The following RBM47 variants were observed in gnomAD, a reference collection of about 807,000 sequenced individuals.
RBM47 encodes RNA binding motif protein 47.
Under a neutral mutation model 47.1 loss-of-function variants are expected in RBM47, and 21 were observed. The observed-to-expected ratio is 0.45, with a 90% CI of 0.32 to 0.64. RBM47 has a LOEUF of 0.64. RBM47 is among the 30% of genes least tolerant of loss of function. The pLI is 0.05. For missense variants in RBM47, 708 were observed against 870.9 expected (o/e 0.81, Z 2.35); for synonymous variants, 375 against 361.7 (o/e 1.04, Z -0.42).
intron 2 of RBM47, among the ~76,000 whole-genome samples, chr4:40,474,683 T>C (rs938979486): frequency 2.6e-5 from 4 of 152,184 alleles, no homozygotes; most frequent in Non-Finnish European, 5.9e-5. Flanking sequence ...AATAAACATA[T>C]TACCTAATCT....
At chr4:40,577,221 T>C (rs1189086268) in intron 1 of RBM47, among the ~76,000 whole-genome samples, 1 of 152,134 alleles carries the variant, frequency 6.6e-6, no homozygotes, top group Non-Finnish European at 1.5e-5. Flanking sequence ...AAGAGATGGA[T>C]TGGGACCAGT....
intron 2 of RBM47, among the ~76,000 whole-genome samples, chr4:40,499,741 C>T (rs1723096419): frequency 6.6e-6 from 1 of 152,182 alleles, no homozygotes; most frequent in Non-Finnish European, 1.5e-5. Context: ...AGTTCTATGA[C>T]TCCTTGGAAT....
At chr4:40,600,707 G>A (rs1578047594) in intron 1 of RBM47, among the ~76,000 whole-genome samples, 1 of 148,604 alleles carries the variant, frequency 6.7e-6, no homozygotes, top group South Asian at 2.1e-4. Context: ...AAGGCCGGAC[G>A]CAGTGGCTCA....
intron 1 of RBM47, among the ~76,000 whole-genome samples, chr4:40,609,648 T>C (rs1736077201): frequency 6.6e-6 from 1 of 152,082 alleles, no homozygotes; most frequent in African/African-American, 2.4e-5. Flanking sequence ...TCCATTTTTC[T>C]CTGCTTTCTA....
chr4:40,628,165 A>G lies in RBM47; in HGVS notation c.-240+1231T>C, dbSNP rs189685851. Among the ~76,000 whole-genome samples the G allele has an allele frequency of 6.6e-5, 10 of 152,350 alleles. No individual in the cohort carries two copies. The highest frequency in any genetic ancestry group is 2.6e-4 in the Admixed American group (4 of 15,306). ...CCAGCATGCAATAATTAAGTCAAAG[A>G]GGCCAACAGTGTGTATATCAGAACA... On this transcript the variant is annotated intron_variant, in intron 1 of 6. Transcript: ENST00000295971. The surrounding 1 kb of genome is among the most constrained non-coding windows in gnomAD (Gnocchi z 4.0).
intron 6 of RBM47, among the ~76,000 whole-genome samples, chr4:40,432,203 TACACACACAC>T (rs61008905): frequency 0.062 from 9,221 of 147,752 alleles, 607 homozygotes; most frequent in African/African-American, 0.16. Context: ...TCTCTCTCTT[TACACACACAC>T]ACACACACAC....
At chr4:40,527,310 G>A (rs1577886519) in intron 2 of RBM47, among the ~76,000 whole-genome samples, 2 of 148,820 alleles carry the variant, frequency 1.3e-5, no homozygotes, top group Non-Finnish European at 3.0e-5. Flanking sequence ...TTTTTAAGAC[G>A]GAATCTAGCT....
chr4:40,432,203 TACACACACACACACACACAC>T (rs61008905), intron 6 of RBM47, among the ~76,000 whole-genome samples: 1 of 147,722 alleles, frequency 6.8e-6, no homozygotes, highest in Admixed American at 6.7e-5. Context: ...TCTCTCTCTT[TACACACACACACACACACAC>T]ACACACACAC....
intron 2 of RBM47, among the ~76,000 whole-genome samples, chr4:40,524,061 C>T (rs1008435557): frequency 2.0e-5 from 3 of 152,064 alleles, no homozygotes; most frequent in African/African-American, 7.2e-5. Context: ...CAATTGAGTG[C>T]CCTGTATCTT....
At chr4:40,519,042 A>G (rs1336830256) in intron 2 of RBM47, among the ~76,000 whole-genome samples, 2 of 146,922 alleles carry the variant, frequency 1.4e-5, no homozygotes, top group Admixed American at 6.8e-5. Flanking sequence ...AAAAAAAAAA[A>G]TATAAAAAAT....
At chr4:40,586,481 T>C (rs1472491638) in intron 1 of RBM47, among the ~76,000 whole-genome samples, 1 of 151,322 alleles carries the variant, frequency 6.6e-6, no homozygotes, top group East Asian at 1.9e-4. Context: ...AAGGGGTTAA[T>C]GGCAAGGGCT....
chr4:40,592,976 TATA>T (rs1283417646), intron 1 of RBM47, among the ~76,000 whole-genome samples: 426 of 14,690 alleles, frequency 0.029, 1 homozygote, highest in Admixed American at 0.037. Context: ...TATATATATA[TATA>T]TTTTTTTTTT....
intron 2 of RBM47, among the ~76,000 whole-genome samples, chr4:40,518,896 G>C (rs559636864): frequency 6.6e-6 from 1 of 152,062 alleles, no homozygotes; most frequent in Non-Finnish European, 1.5e-5. Flanking sequence ...GACAAGCCTG[G>C]TCTAAATCAA....
intron 2 of RBM47, among the ~76,000 whole-genome samples, chr4:40,498,919 C>T (rs1160947024): frequency 6.6e-6 from 1 of 151,922 alleles, no homozygotes; most frequent in Non-Finnish European, 1.5e-5. Context: ...GTGGCACATG[C>T]CTGTAATCCC....
intron 1 of RBM47, among the ~76,000 whole-genome samples, chr4:40,586,275 A>AGT (rs752202584): frequency 1.3e-5 from 2 of 152,144 alleles, no homozygotes; most frequent in African/African-American, 4.8e-5. Context: ...AGGTTGTGTA[A>AGT]GTGTCTTTCC....
At chr4:40,512,489 G>A (rs1216207276) in intron 2 of RBM47, among the ~76,000 whole-genome samples, 1 of 150,128 alleles carries the variant, frequency 6.7e-6, no homozygotes, top group East Asian at 2.0e-4. Context: ...GCCGAGGCGA[G>A]TGGATCACTT....
At chr4:40,513,734 T>C (rs1192580255) in intron 2 of RBM47, among the ~76,000 whole-genome samples, 1 of 152,052 alleles carries the variant, frequency 6.6e-6, no homozygotes, top group East Asian at 1.9e-4. Context: ...TTTTCTTTTT[T>C]GGAGACGGAG....
chr4:40,437,090 A>AAAAAAAAAAAAAAAAAAAATAT (rs1256296949), intron 4 of RBM47, among the ~76,000 whole-genome samples: 2 of 49,850 alleles, frequency 4.0e-5, no homozygotes, highest in African/African-American at 2.2e-4. Flanking sequence ...AAAAAAAAAA[A>AAAAAAAAAAAAAAAAAAAATAT]ATATATATAT....
At chr4:40,504,156 A>G (rs1054983771) in intron 2 of RBM47, among the ~76,000 whole-genome samples, 1 of 152,158 alleles carries the variant, frequency 6.6e-6, no homozygotes, top group Admixed American at 6.5e-5. Flanking sequence ...TGAGTTAAGC[A>G]TCTTTAAGGT....
Sources: allele counts gnomAD v4.1 joint callset (sites outside exome capture counted in the v4.1 genomes callset), GRCh38; gene constraint gnomAD v4.1.1; non-coding constraint Gnocchi (gnomAD v3.1); transcripts MANE v1.5; gene names NCBI Gene and HGNC (gene_info 2026-07-23, HGNC 2026-07-21).